Variants in GPD2 observed in about 807,000 individuals in gnomAD.
GPD2 encodes the protein glycerol-3-phosphate dehydrogenase 2.
GPD2 carries 54 observed loss-of-function variants against 82.4 expected under a neutral mutation model. That is an observed-to-expected ratio of 0.66 (90% CI 0.53 to 0.82). The LOEUF (loss-of-function observed/expected upper bound fraction) is 0.82, where lower values mean the gene tolerates loss of function less well. Ranked by LOEUF, GPD2 falls within the 40% of genes least tolerant of loss-of-function variation. The pLI, the probability that GPD2 is intolerant of heterozygous loss-of-function variation, is 0.00. For missense variants in GPD2, 748 were observed against 896.2 expected, an observed-to-expected ratio of 0.83 and a Z score of 2.11; for synonymous variants, 288 against 306.1, an observed-to-expected ratio of 0.94 and a Z score of 0.62.
At chr2:156,569,030 T>C in intron 10 of GPD2, 71 bp downstream of exon 10, 2 of 1,328,924 alleles carry the variant, frequency 1.5e-6, no homozygotes, top group South Asian at 1.2e-5. Context: ...GGTCTCACCA[T>C]GTTGCCCAGG....
intron 6 of GPD2, among the ~76,000 whole-genome samples, chr2:156,520,092 A>T (rs946813689): frequency 6.6e-6 from 1 of 151,552 alleles, no homozygotes; most frequent in African/African-American, 2.4e-5. Context: ...TGGGAAGATA[A>T]CCTCCCTGTC....
At chr2:156,511,744 A>T (rs1005272351) in intron 4 of GPD2, among the ~76,000 whole-genome samples, 1 of 152,220 alleles carries the variant, frequency 6.6e-6, no homozygotes, top group Non-Finnish European at 1.5e-5. Flanking sequence ...GAGAGGCGTA[A>T]TGAGGACTAC....
intron 3 of GPD2, 65 bp from the exon 4 acceptor site, chr2:156,510,731 G>T: frequency 2.3e-6 from 3 of 1,330,022 alleles, no homozygotes; most frequent in Non-Finnish European, 3.3e-6. Context: ...CTGGAGAAGT[G>T]CCTTTAATGA....
intron 6 of GPD2, among the ~76,000 whole-genome samples, chr2:156,515,857 G>A (rs1320411380): frequency 2.0e-5 from 3 of 152,212 alleles, no homozygotes; most frequent in Non-Finnish European, 4.4e-5. Context: ...GGCAAAACAA[G>A]CATGTGCAAC....
chr2:156,415,156 C>G, the GPD2 span, among the ~76,000 whole-genome samples: 4 of 114,610 alleles, frequency 3.5e-5, no homozygotes, highest in Admixed American at 3.1e-4. Flanking sequence ...TTGTATCATT[C>G]TTTTTTTTTT....
intron 2 of GPD2, among the ~76,000 whole-genome samples, chr2:156,483,572 T>C (rs942958660): frequency 2.0e-5 from 3 of 152,232 alleles, no homozygotes; most frequent in African/African-American, 7.2e-5. Flanking sequence ...TGGCACACTT[T>C]TGCTTATATT....
chr2:156,410,991 T>TTTG, the GPD2 span, among the ~76,000 whole-genome samples: 1 of 152,204 alleles, frequency 6.6e-6, no homozygotes, highest in Non-Finnish European at 1.5e-5. Context: ...TTTTCCCCAC[T>TTTG]TCTAAGACAA....
chr2:156,427,760 C>T, the GPD2 span, among the ~76,000 whole-genome samples: 2 of 152,302 alleles, frequency 1.3e-5, no homozygotes, highest in Admixed American at 1.3e-4. Flanking sequence ...TATTGGTTGA[C>T]AGTTCTGGAG....
chr2:156,575,884 T>C (rs1687802544), intron 13 of GPD2, among the ~76,000 whole-genome samples: 1 of 152,186 alleles, frequency 6.6e-6, no homozygotes. Flanking sequence ...TTGTCCTAGA[T>C]CTTGACCTAG....
intron 1 of GPD2, among the ~76,000 whole-genome samples, chr2:156,447,962 T>C (rs1371404588): frequency 1.3e-5 from 2 of 152,214 alleles, no homozygotes; most frequent in African/African-American, 4.8e-5. Flanking sequence ...CACTTGCATG[T>C]CCCACAGTTG....
At chr2:156,486,894 C>G (rs1683964579) in intron 2 of GPD2, among the ~76,000 whole-genome samples, 1 of 152,142 alleles carries the variant, frequency 6.6e-6, no homozygotes, top group African/African-American at 2.4e-5. Flanking sequence ...GATTATAAAG[C>G]TTGGAACCGG....
At position 156,550,786 on chromosome 2, in the gene GPD2, A is replaced by T. The variant is rs900096948; in HGVS notation, c.971+40A>T. 4 of 1,553,684 alleles carry T rather than the reference A, an allele frequency of 2.6e-6. No individual in the cohort carries two copies. In the Admixed American group the frequency reaches 5.0e-5, roughly 20 times the overall value. On this transcript the variant is annotated intron_variant, in intron 8 of 16. Transcript: ENST00000438166. ...ATGTGGCAGTTGTCACCCAAAAAAG[A>T]GGGTCAGCAGAGATTGTCTGGTTTA...
the GPD2 span, among the ~76,000 whole-genome samples, chr2:156,401,137 A>C: frequency 2.0e-5 from 3 of 152,192 alleles, no homozygotes; most frequent in South Asian, 4.1e-4. Flanking sequence ...AAAAACTAGA[A>C]GTCAAAACTT....
chr2:156,557,464 G>A lies in GPD2; in HGVS notation c.1047G>A (p.Met349Ile). ...TTTTCTTCTTACCCTGGCAAAAGATGACGATCGCTGGCACTACTGATACTC... is the reference window on the plus strand; with the variant it reads ...TTTTCTTCTTACCCTGGCAAAAGATAACGATCGCTGGCACTACTGATACTC... ...RVIFFLPWQK[M>I]TIAGTTDTPT... Residue 349 changes from methionine to isoleucine, a missense_variant, in exon 9 of 17, where the codon ATG (methionine) becomes ATA (isoleucine). Coordinates refer to ENST00000438166, the MANE Select transcript of GPD2 (RefSeq NM_000408.5). The A allele has an allele frequency of 6.2e-7, 1 of 1,608,024 alleles. No individual in the cohort carries two copies. Among genetic ancestry groups the A allele is most frequent in the South Asian group, 1.1e-5 (1 of 90,996 alleles).
chr2:156,522,845 G>C (rs1285779321), intron 6 of GPD2, among the ~76,000 whole-genome samples: 2 of 151,930 alleles, frequency 1.3e-5, no homozygotes, highest in Non-Finnish European at 2.9e-5. Flanking sequence ...TTATTTTTTA[G>C]CTAAAAAGAG....
Position 156,569,490 on chromosome 2 carries a change from C to T in GPD2, c.1428C>T (p.Ser476=), listed in dbSNP as rs773906941. ...TCCTTCAAGGGGGTAAAGATTGGAGCCCCACACTCTACATTAGGCTTGTGC... is the reference window on the plus strand; with the variant it reads ...TCCTTCAAGGGGGTAAAGATTGGAGTCCCACACTCTACATTAGGCTTGTGC... ...GLFLQGGKDW[S]PTLYIRLVQD... is the part of the protein sequence containing the mutation. The change falls in exon 11 of 17, where the codon AGC becomes AGT. Residue 476 remains serine, a synonymous_variant. Transcript: ENST00000438166. 11 of 1,612,780 alleles carry T rather than the reference C, an allele frequency of 6.8e-6. No individual in the cohort carries two copies. The African/African-American group carries it at 1.2e-4, about 18-fold the overall frequency.
At chr2:156,479,044 A>G (rs1158534226) in intron 2 of GPD2, among the ~76,000 whole-genome samples, 1 of 152,238 alleles carries the variant, frequency 6.6e-6, no homozygotes, top group Non-Finnish European at 1.5e-5. Flanking sequence ...AAATAAAAGC[A>G]GGGGCTATAT....
chr2:156,493,809 C>T (rs1289735039), intron 2 of GPD2, among the ~76,000 whole-genome samples: 1 of 152,046 alleles, frequency 6.6e-6, no homozygotes, highest in Non-Finnish European at 1.5e-5. Context: ...TCTGTCCTGG[C>T]GCAATTGAAA....
At chr2:156,577,781 A>T (rs184469687) in intron 13 of GPD2, among the ~76,000 whole-genome samples, 45 of 152,190 alleles carry the variant, frequency 3.0e-4, no homozygotes, top group Admixed American at 2.9e-3. Context: ...CTCACATTAC[A>T]TGAAGGCTGC....
Sources: gnomAD v4.1 joint callset for allele counts (sites outside exome capture counted in the v4.1 genomes callset) on GRCh38, gnomAD v4.1.1 for gene constraint, MANE v1.5 for transcripts, NCBI Gene and HGNC (gene_info 2026-07-23, HGNC 2026-07-21) for gene names.